TIMM22: variants seen among roughly 807,000 people sequenced by gnomAD.
TIMM22 encodes mitochondrial import inner membrane translocase subunit Tim22.
TIMM22 carries 12 observed loss-of-function variants against 18.3 expected under a neutral mutation model. That is an observed-to-expected ratio of 0.65 (90% confidence interval 0.42 to 1.06). TIMM22 has a LOEUF of 1.06. TIMM22 is among the 50% of genes least tolerant of loss of function. TIMM22 has a pLI of 0.00. For missense variants in TIMM22, 278 were observed against 252.8 expected (o/e 1.10, Z -0.68); for synonymous variants, 107 against 98.5 (o/e 1.09, Z -0.51).
chr17:997,174 C>T lies in TIMM22; in HGVS notation c.32C>T (p.Ser11Leu), dbSNP rs755945979. The T allele has an allele frequency of 6.2e-6, 10 of 1,610,732 alleles. No homozygotes were observed. The highest frequency in any genetic ancestry group is 1.1e-5 in the South Asian group (1 of 90,978). The change falls in exon 1 of 4, where the codon TCG becomes TTG. Residue 11 changes from serine to leucine, a missense_variant. Physicochemically the swap from Ser to Leu is moderately radical, Grantham distance 145. Transcript: ENST00000327158. MAAAAPNAGG[S>L]APETAGSAEA... The stretch of plus-strand genomic sequence containing the variant: ...GCGGCCGCCCCCAATGCCGGAGGCT[C>T]GGCCCCTGAGACAGCGGGTTCCGCC...
rs1271380336 is a variant in TIMM22, at chr17:1,001,096, T to A, written c.*8T>A. The A allele has an allele frequency of 6.2e-7, 1 of 1,613,494 alleles. No individual in the cohort carries two copies. Among genetic ancestry groups the A allele is most frequent in the Non-Finnish European group, 8.5e-7 (1 of 1,179,864 alleles). ...GATTATTACCTCCGGTGAGAGTAAT[T>A]GCCTGCAGGGAAGGATGATGCCAGC... On this transcript the variant is annotated 3_prime_UTR_variant, in exon 4 of 4. Transcript: ENST00000327158.
intron 2 of TIMM22, among the ~76,000 whole-genome samples, 160 bp from the exon 3 acceptor site, chr17:999,352 T>C (rs2586236): frequency 4.6e-5 from 6 of 129,304 alleles, no homozygotes; most frequent in African/African-American, 2.0e-4. Context: ...TATATATATA[T>C]ATATATACAC....
At chr17:998,663 G>C (rs989123890) in intron 1 of TIMM22, 116 bp from the exon 2 acceptor site, 1 of 1,032,930 alleles carries the variant, frequency 9.7e-7, no homozygotes. Flanking sequence ...AGTGGCAAGA[G>C]GGGGGTGTCC....
intron 1 of TIMM22, among the ~76,000 whole-genome samples, chr17:998,333 A>G (rs772477031): frequency 1.3e-5 from 2 of 152,172 alleles, no homozygotes; most frequent in African/African-American, 2.4e-5. Context: ...TCTGAGCCTC[A>G]GTTTATAGAA....
chr17:1,003,476 CT>C lies in TIMM22; in HGVS notation c.*2390del, dbSNP rs1411982940. The C allele has an allele frequency of 1.3e-5, 2 of 152,552 alleles. No individual in the cohort carries two copies. Among genetic ancestry groups the C allele is most frequent in the Admixed American group, 1.3e-4 (2 of 15,296 alleles). 9.4% of individuals were successfully genotyped at this position (152,552 alleles called of 1,614,324 possible). On this transcript the variant is annotated 3_prime_UTR_variant, in exon 4 of 4. Coordinates refer to ENST00000327158, the MANE Select transcript of TIMM22 (RefSeq NM_013337.4). The stretch of plus-strand genomic sequence containing the variant: ...AAGAGTTAAATATTTACATTGGTGG[CT>C]TCCCTGGACCACCGCGAACACAAAC...
chr17:998,525 T>C (rs2069707555), intron 1 of TIMM22, among the ~76,000 whole-genome samples: 1 of 151,876 alleles, frequency 6.6e-6, no homozygotes, highest in African/African-American at 2.4e-5. Flanking sequence ...GTAGAGAGAA[T>C]AGAGGGTTAA....
chr17:1,000,105 C>T (rs1217312240), intron 3 of TIMM22, among the ~76,000 whole-genome samples: 2 of 151,608 alleles, frequency 1.3e-5, no homozygotes, highest in African/African-American at 4.8e-5. Flanking sequence ...CACCTGGTCT[C>T]GAACTCCTGA....
Position 1,001,136 on chromosome 17 carries a change from G to T in TIMM22, c.*48G>T. 2 of 1,588,468 alleles carry T rather than the reference G, an allele frequency of 1.3e-6. No individual in the cohort carries two copies. ...ATGATGCCAGCCCCGGATCCGGGCT[G>T]CTCTCTGGAGGACAGTTTCTGTACC... On this transcript the variant is annotated 3_prime_UTR_variant, in exon 4 of 4. Coordinates refer to ENST00000327158, the MANE Select transcript of TIMM22 (RefSeq NM_013337.4).
Position 997,338 on chromosome 17 carries a change from A to T in TIMM22, c.196A>T (p.Met66Leu). 1 of 1,613,834 alleles carries T rather than the reference A, an allele frequency of 6.2e-7. No homozygotes were observed. ...GGAGCAGAAGATGATCGAGAAGGCG[A>T]TGGAAAGCTGCGCTTTCAAGGCTGC... ...SEEQKMIEKAMESCAFKAALA... is the reference protein window; with the variant it reads ...SEEQKMIEKALESCAFKAALA... The change falls in exon 1 of 4, where the codon ATG (methionine) becomes TTG (leucine). Residue 66 changes from methionine (M) to leucine (L), a missense_variant. Met to Leu is a conservative substitution (Grantham distance 15). Coordinates refer to ENST00000327158, the MANE Select transcript of TIMM22 (RefSeq NM_013337.4).
chr17:1,000,782 G>C (rs333648), intron 3 of TIMM22, among the ~76,000 whole-genome samples: 12,068 of 152,228 alleles, frequency 0.079, 1,539 homozygotes, highest in African/African-American at 0.27. Context: ...ATTTCCCTAA[G>C]ACTAGAAATA....
At chr17:998,438 A>G (rs2150664616) in intron 1 of TIMM22, among the ~76,000 whole-genome samples, 1 of 152,346 alleles carries the variant, frequency 6.6e-6, no homozygotes, top group South Asian at 2.1e-4. Flanking sequence ...ATTACTGTGA[A>G]TGTCACAGTG....
intron 1 of TIMM22, among the ~76,000 whole-genome samples, chr17:998,350 G>A (rs1003873827): frequency 6.6e-5 from 10 of 152,236 alleles, no homozygotes; most frequent in African/African-American, 2.4e-4. Context: ...AGAAAGGAGA[G>A]GCTAATAGCA....
chr17:1,001,082 C>G lies in TIMM22; in HGVS notation c.579C>G (p.Leu193=). Residue 193 remains leucine (L), a synonymous_variant, in exon 4 of 4, where the codon CTC becomes CTG. Coordinates refer to ENST00000327158, the MANE Select transcript of TIMM22 (RefSeq NM_013337.4). ...TCTCTGCTGCGATTGATTATTACCT[C>G]CGGTGAGAGTAATTGCCTGCAGGGA... ...AAFSAAIDYY[L]R is the part of the protein sequence containing the mutation. The G allele has an allele frequency of 6.2e-7, 1 of 1,613,766 alleles. No homozygotes were observed. The highest frequency in any genetic ancestry group is 1.1e-5 in the South Asian group (1 of 91,062).
chr17:998,059 A>G (rs2069702763), intron 1 of TIMM22, among the ~76,000 whole-genome samples: 1 of 152,214 alleles, frequency 6.6e-6, no homozygotes. Flanking sequence ...CTAGGGCAGC[A>G]GTTGTTTGAG....
At position 1,001,169 on chromosome 17, in the gene TIMM22, G is replaced by T. The variant is rs2069741140; in HGVS notation, c.*81G>T. The T allele has an allele frequency of 6.8e-7, 1 of 1,480,744 alleles. No individual in the cohort carries two copies. Among genetic ancestry groups the T allele is most frequent in the South Asian group, 1.1e-5 (1 of 87,832 alleles). The allele number at this position is 1,480,744 out of a possible 1,614,324, so 91.7% of individuals were successfully genotyped here. On this transcript the variant is annotated 3_prime_UTR_variant, in exon 4 of 4. Coordinates refer to ENST00000327158, the MANE Select transcript of TIMM22 (RefSeq NM_013337.4). ...GAGGACAGTTTCTGTACCACACCAG[G>T]GCCTTGCTTCAGGGCCTGAAGACAT...
At chr17:998,065 T>G (rs1462474638) in intron 1 of TIMM22, among the ~76,000 whole-genome samples, 3 of 152,176 alleles carry the variant, frequency 2.0e-5, no homozygotes, top group Non-Finnish European at 4.4e-5. Context: ...CAGCAGTTGT[T>G]TGAGGTTTGA....
chr17:998,986 C>T lies in TIMM22; in HGVS notation c.435+11C>T. 6.3e-7 allele frequency: 1 copy of T among 1,597,200 alleles called. No individual in the cohort carries two copies. Among genetic ancestry groups the T allele is most frequent in the Non-Finnish European group, 8.6e-7 (1 of 1,168,328 alleles). On this transcript the variant is annotated intron_variant, in intron 2 of 3. Coordinates refer to ENST00000327158, the MANE Select transcript of TIMM22 (RefSeq NM_013337.4). ...TGTTTGATAGAATCTGTAAGTGTCT[C>T]TGCCTTCTAAGAAATCCTTGCTGGG...
chr17:1,002,325 A>T lies in TIMM22; in HGVS notation c.*1237A>T, dbSNP rs2069768092. The T allele has an allele frequency of 6.6e-6, 1 of 152,024 alleles. No individual in the cohort carries two copies. The highest frequency in any genetic ancestry group is 2.4e-5 in the African/African-American group (1 of 41,352). 9.4% of individuals were successfully genotyped at this position (152,024 alleles called of 1,614,324 possible). Reference sequence around the variant, plus strand: ...TGGGCACCTTCAGCCAGTGGTGATGAGTCTCCTTTTTCCTATAATACGGTA... The same window carrying T: ...TGGGCACCTTCAGCCAGTGGTGATGTGTCTCCTTTTTCCTATAATACGGTA... On this transcript the variant is annotated 3_prime_UTR_variant, in exon 4 of 4. Coordinates refer to ENST00000327158, the MANE Select transcript of TIMM22 (RefSeq NM_013337.4).
intron 3 of TIMM22, among the ~76,000 whole-genome samples, chr17:1,000,111 C>T (rs1026043609): frequency 4.6e-5 from 7 of 151,700 alleles, no homozygotes; most frequent in Non-Finnish European, 1.0e-4. Context: ...GTCTCGAACT[C>T]CTGACCTCGT....
Sources: allele counts gnomAD v4.1 joint callset (sites outside exome capture counted in the v4.1 genomes callset), GRCh38; gene constraint gnomAD v4.1.1; transcripts MANE v1.5; gene names NCBI Gene and HGNC (gene_info 2026-07-23, HGNC 2026-07-21).